Variants in VPS33A observed in about 807,000 individuals in gnomAD.
VPS33A encodes the protein vacuolar protein sorting-associated protein 33A.
A neutral mutation model predicts 71.8 loss-of-function variants in VPS33A; 32 were observed. The ratio of observed to expected loss-of-function variants is 0.45; its 90% CI spans 0.34 to 0.60. VPS33A has a LOEUF of 0.60. Among genes scored for constraint, VPS33A ranks in the 20% least tolerant of loss-of-function variants. The pLI is 0.02. For synonymous variants in VPS33A, 311 were observed against 292.7 expected (o/e 1.06, Z -0.64); for missense variants, 625 against 748.5 (o/e 0.84, Z 1.92).
chr12:122,257,311 C>G (rs1954931490), intron 4 of VPS33A, among the ~76,000 whole-genome samples: 2 of 149,954 alleles, frequency 1.3e-5, no homozygotes, highest in African/African-American at 4.9e-5. Flanking sequence ...CCTGTAATCC[C>G]AGCTACTTGA....
chr12:122,234,243 C>T (rs1273827087), intron 11 of VPS33A, among the ~76,000 whole-genome samples: 1 of 152,190 alleles, frequency 6.6e-6, no homozygotes. Context: ...TCACTTGGCC[C>T]TGATGGCCCT....
At position 122,261,356 on chromosome 12, in the gene VPS33A, C is replaced by T. The variant is rs1234301545; in HGVS notation, c.388G>A (p.Val130Ile). 1.2e-6 allele frequency: 2 copies of T among 1,613,904 alleles called. No individual in the cohort carries two copies. The highest frequency in any genetic ancestry group is 1.7e-6 in the Non-Finnish European group (2 of 1,179,980). The stretch of plus-strand genomic sequence containing the variant: ...TCCCTGTGAATAAAGGATCCCAAGA[C>T]ACCCAGATCCTTCAACCGCTGTTCG... ...LCEQRLKDLG[V>I]LGSFIHREEY... The change falls in exon 4 of 13, where the codon GTC (valine) becomes ATC (isoleucine). Residue 130 changes from valine (V) to isoleucine (I), a missense_variant. Transcript: ENST00000267199.
At chr12:122,247,597 C>T (rs61954372) in intron 6 of VPS33A, among the ~76,000 whole-genome samples, 1,675 of 152,292 alleles carry the variant, frequency 0.011, 13 homozygotes, top group Admixed American at 0.017. Context: ...TCTCTCTCTC[C>T]GTCACCCACG....
At chr12:122,236,219 T>C (rs945233307) in intron 10 of VPS33A, among the ~76,000 whole-genome samples, 1 of 152,136 alleles carries the variant, frequency 6.6e-6, no homozygotes, top group African/African-American at 2.4e-5. Flanking sequence ...TGATAGTATA[T>C]TTTTATAAGG....
At position 122,256,212 on chromosome 12, in the gene VPS33A, T is replaced by C. The variant is rs185134084; in HGVS notation, c.483+5049A>G. On this transcript the variant is annotated intron_variant, in intron 4 of 12. Transcript: ENST00000267199. ...CACAATGGGGAAAAAAAGATTCCAATAATTTTATGTACTATACCAGCGGTT... is the reference window on the plus strand; with the variant it reads ...CACAATGGGGAAAAAAAGATTCCAACAATTTTATGTACTATACCAGCGGTT... Among the ~76,000 whole-genome samples, 4 of 152,226 alleles carry C rather than the reference T, an allele frequency of 2.6e-5. No homozygotes were observed. The East Asian group carries it at 7.7e-4, about 29-fold the overall frequency.
At chr12:122,255,597 C>T (rs563187687) in intron 4 of VPS33A, among the ~76,000 whole-genome samples, 1 of 147,166 alleles carries the variant, frequency 6.8e-6, no homozygotes, top group South Asian at 2.2e-4. Flanking sequence ...TCCAACTACT[C>T]GGGAGGCTGA....
chr12:122,255,463 T>C (rs2136144251), intron 4 of VPS33A, among the ~76,000 whole-genome samples: 1 of 152,238 alleles, frequency 6.6e-6, no homozygotes, highest in African/African-American at 2.4e-5. Flanking sequence ...CCCAGCACTC[T>C]GGGAGGCCGA....
chr12:122,257,408 C>G (rs112625197), intron 4 of VPS33A, among the ~76,000 whole-genome samples: 1 of 117,576 alleles, frequency 8.5e-6, no homozygotes, highest in Admixed American at 1.1e-4. Flanking sequence ...GCCTGGGCAA[C>G]AGAGTGAGAC....
intron 4 of VPS33A, among the ~76,000 whole-genome samples, chr12:122,260,941 C>A (rs1485964509): frequency 6.6e-6 from 1 of 152,206 alleles, no homozygotes; most frequent in Non-Finnish European, 1.5e-5. Flanking sequence ...CGCCACTGCG[C>A]TCCAGCCCGG....
At position 122,259,283 on chromosome 12, in the gene VPS33A, G is replaced by A. The variant is rs181354929; in HGVS notation, c.483+1978C>T. Among the ~76,000 whole-genome samples, 241 of 152,032 alleles carry A rather than the reference G, an allele frequency of 1.6e-3. 2 individuals are homozygous for A. The highest frequency in any genetic ancestry group is 5.3e-3 in the African/African-American group (218 of 41,400). ...TGCCCAGGCTGGAGTGCAATGGCGTGATCTCAGCTCACTGTAACCTCCACC... is the reference window on the plus strand; with the variant it reads ...TGCCCAGGCTGGAGTGCAATGGCGTAATCTCAGCTCACTGTAACCTCCACC... On this transcript the variant is annotated intron_variant, in intron 4 of 12. Transcript: ENST00000267199.
rs5801475 is a variant in VPS33A at position 122,239,749 on chromosome 12, C to CAA, written c.1164+127_1164+128dup. 2.7e-3 allele frequency: 534 copies of CAA among 197,632 alleles called. 1 individual carries two copies. Among genetic ancestry groups the CAA allele is most frequent in the Middle Eastern group, 5.7e-3 (4 of 700 alleles). 12.2% of individuals were successfully genotyped at this position (197,632 alleles called of 1,614,324 possible). A position where few individuals can be genotyped will look rare whatever the true frequency, so the allele number is the denominator to read the frequency against. ...GGTGACACACAGTGAGACTCCGTCT[C>CAA]AAAAAAAAAAAAAAAAAAAAAAAAA... On this transcript the variant is annotated intron_variant, in intron 9 of 12. Transcript: ENST00000267199.
intron 3 of VPS33A, 109 bp downstream of exon 3, chr12:122,263,463 A>G: frequency 7.4e-7 from 1 of 1,354,080 alleles, no homozygotes; most frequent in Non-Finnish European, 9.8e-7. Flanking sequence ...GTTTTCCAAA[A>G]GACCACCTTG....
At chr12:122,259,847 G>A (rs1041350600) in intron 4 of VPS33A, among the ~76,000 whole-genome samples, 8 of 151,460 alleles carry the variant, frequency 5.3e-5, no homozygotes, top group African/African-American at 1.7e-4. Context: ...ATAAGACGCT[G>A]TCTCTCCAAA....
chr12:122,242,495 G>A lies in VPS33A; in HGVS notation c.983C>T (p.Ala328Val). The A allele has an allele frequency of 6.2e-7, 1 of 1,611,296 alleles. No homozygotes were observed. The highest frequency in any genetic ancestry group is 2.2e-5 in the East Asian group (1 of 44,784). ...CTGCTTGATCTCCCCCACGGTCTTA[G>A]CATTGTGTCTTTCCTGAAATAAACA... ...ISAAFEERHN[A>V]KTVGEIKQFV... Residue 328 changes from alanine (A) to valine (V), a missense_variant, in exon 8 of 13, where the codon GCT becomes GTT. Transcript: ENST00000267199.
At chr12:122,257,208 T>C (rs888564851) in intron 4 of VPS33A, among the ~76,000 whole-genome samples, 4 of 151,784 alleles carry the variant, frequency 2.6e-5, no homozygotes, top group Non-Finnish European at 5.9e-5. Context: ...AGGTGGATCA[T>C]CTGAGGTCAG....
chr12:122,264,420 T>G (rs1566055090), intron 1 of VPS33A, among the ~76,000 whole-genome samples: 1 of 152,192 alleles, frequency 6.6e-6, no homozygotes, highest in Non-Finnish European at 1.5e-5. Context: ...AGACGGAGTC[T>G]TGCTGTGTTG....
At chr12:122,260,751 G>T (rs7979287) in intron 4 of VPS33A, among the ~76,000 whole-genome samples, 152,345 of 152,346 alleles carry the variant, frequency 1, 76,172 homozygotes, top group Non-Finnish European at 1. Context: ...TTTGGGAGGC[G>T]GAGGCGGGCG....
chr12:122,233,518 G>A (rs1389634516), intron 11 of VPS33A, among the ~76,000 whole-genome samples: 1 of 152,144 alleles, frequency 6.6e-6, no homozygotes, highest in Non-Finnish European at 1.5e-5. Context: ...GAGCCACCGC[G>A]TCCAGCCAGC....
At chr12:122,258,303 C>T (rs565945721) in intron 4 of VPS33A, among the ~76,000 whole-genome samples, 21 of 152,100 alleles carry the variant, frequency 1.4e-4, no homozygotes, top group African/African-American at 5.1e-4. Context: ...GCAATGGCTT[C>T]TCAGAGATGA....
Sources: allele counts gnomAD v4.1 joint callset (sites outside exome capture counted in the v4.1 genomes callset), GRCh38; gene constraint gnomAD v4.1.1; transcripts MANE v1.5; gene names NCBI Gene and HGNC (gene_info 2026-07-23, HGNC 2026-07-21).